Variants in AGPAT4 observed in about 807,000 individuals in gnomAD.
AGPAT4 encodes 1-acylglycerol-3-phosphate O-acyltransferase 4, also known as 1-acyl-sn-glycerol-3-phosphate acyltransferase delta.
A neutral mutation model predicts 48.0 loss-of-function variants in AGPAT4; 15 were observed. The ratio of observed to expected loss-of-function variants is 0.31; its 90% confidence interval spans 0.21 to 0.48. The LOEUF (loss-of-function observed/expected upper bound fraction) is 0.48, where lower values mean the gene tolerates loss of function less well. Ranked by LOEUF, AGPAT4 falls within the 20% of genes least tolerant of loss-of-function variation. AGPAT4 has a pLI of 0.99. For synonymous variants in AGPAT4, 178 were observed against 198.7 expected (o/e 0.90, Z 0.88); for missense variants, 314 against 482.5 (o/e 0.65, Z 3.27).
At chr6:161,248,891 G>A (rs1277233539) in intron 1 of AGPAT4, among the ~76,000 whole-genome samples, 1 of 152,120 alleles carries the variant, frequency 6.6e-6, no homozygotes, top group Non-Finnish European at 1.5e-5. Context: ...AAAGCTGGAG[G>A]CATCACACTA....
rs960678248 is a variant in AGPAT4, at chr6:161,240,160, A to C, written c.-89-7858T>G. The stretch of plus-strand genomic sequence containing the variant: ...TGTGGAGAAAATAATCACAACTCTA[A>C]AAAAAAAACCGGAAGAAAAGAAAGC... On this transcript the variant is annotated intron_variant, in intron 1 of 8. Transcript: ENST00000320285. This position sits in a 1 kb window ranked among gnomAD's most constrained non-coding sequence, Gnocchi z 5.5. Among the ~76,000 whole-genome samples the C allele has an allele frequency of 1.3e-5, 2 of 150,438 alleles. No individual in the cohort carries two copies. The highest frequency in any genetic ancestry group is 4.2e-4 in the South Asian group (2 of 4,758).
At position 161,212,575 on chromosome 6, in the gene AGPAT4, T is replaced by C. The variant is rs906382481; in HGVS notation, c.178+19461A>G. Among the ~76,000 whole-genome samples, 1 of 152,218 alleles carries C rather than the reference T, an allele frequency of 6.6e-6. No individual in the cohort carries two copies. The highest frequency in any genetic ancestry group is 2.1e-4 in the South Asian group (1 of 4,834). ...AGGTTGTATTTGTATAAATATGTTA[T>C]TGGTATGTGTTCCAAAATCAGGGTA... is the stretch of plus-strand genomic sequence containing the variant. On this transcript the variant is annotated intron_variant, in intron 2 of 8. Transcript: ENST00000320285. This position sits in a 1 kb window ranked among gnomAD's most constrained non-coding sequence, Gnocchi z 6.1.
In AGPAT4 at chr6:161,139,739, ACTGG is replaced by A; in HGVS notation, c.844-123_844-120del. 1.2e-6 allele frequency: 1 copy of A among 844,332 alleles called. No homozygotes were observed. Among genetic ancestry groups the A allele is most frequent in the Non-Finnish European group, 1.8e-6 (1 of 547,198 alleles). 52.3% of individuals were successfully genotyped at this position (844,332 alleles called of 1,614,324 possible). On this transcript the variant is annotated intron_variant, in intron 7 of 8. Transcript: ENST00000320285. The surrounding 1 kb of genome is among the most constrained non-coding windows in gnomAD (Gnocchi z 9.1). ...ACAGGTGCCACCGGGGCTCGGCAGA[ACTGG>A]GGTCTGCAGCTCCTTCCAGAAAGCA...
rs868475487 is a variant in AGPAT4 at position 161,161,628 on chromosome 6, C to T, written c.348+4620G>A. 1.6e-4 allele frequency: 62 copies of T among 379,812 alleles called. No individual in the cohort carries two copies. The Middle Eastern group carries it at 5.2e-3, about 32-fold the overall frequency. 23.5% of individuals were successfully genotyped at this position (379,812 alleles called of 1,614,324 possible). On this transcript the variant is annotated intron_variant, in intron 3 of 8. Coordinates refer to ENST00000320285, the MANE Select transcript of AGPAT4 (RefSeq NM_020133.3). The surrounding 1 kb of genome is among the most constrained non-coding windows in gnomAD (Gnocchi z 4.6). ...GCGGTGGGCATATCTGCTGAAAATA[C>T]CCCTCCATATCTGGAAACTTCTAAC...
In AGPAT4 at chr6:161,142,982, G is replaced by C. The variant is rs1447371850; in HGVS notation, c.844-3362C>G. On this transcript the variant is annotated intron_variant, in intron 7 of 8. Transcript: ENST00000320285. The surrounding 1 kb of genome is among the most constrained non-coding windows in gnomAD (Gnocchi z 6.4). Reference sequence around the variant, plus strand: ...AGCAGGAGAGCACAGTGTTTCCCACGGGCCACCATGCCTGCACCCTGAACT... The same window carrying C: ...AGCAGGAGAGCACAGTGTTTCCCACCGGCCACCATGCCTGCACCCTGAACT... Among the ~76,000 whole-genome samples the C allele has an allele frequency of 6.6e-6, 1 of 152,138 alleles. No individual in the cohort carries two copies. Among genetic ancestry groups the C allele is most frequent in the Non-Finnish European group, 1.5e-5 (1 of 68,018 alleles).
At chr6:161,191,952 C>T (rs1391478676) in intron 2 of AGPAT4, among the ~76,000 whole-genome samples, 1 of 151,958 alleles carries the variant, frequency 6.6e-6, no homozygotes, top group Non-Finnish European at 1.5e-5. Context: ...CTTCCTCTCC[C>T]CTGGTTAGGA....
intron 3 of AGPAT4, among the ~76,000 whole-genome samples, chr6:161,162,331 T>C (rs1779959460): frequency 6.6e-6 from 1 of 152,126 alleles, no homozygotes. Flanking sequence ...ACAGTATGGA[T>C]AGAAAGGATG....
Position 161,266,001 on chromosome 6 carries a change from G to A in AGPAT4, c.-90+7937C>T, listed in dbSNP as rs74483447. Among the ~76,000 whole-genome samples the A allele has an allele frequency of 5.3e-3, 806 of 152,168 alleles. 8 individuals are homozygous for A. The highest frequency in any genetic ancestry group is 0.019 in the African/African-American group (768 of 41,504). ...CCTCAGAAATGGGTTTGCTTTGATC[G>A]GACCAACCGGATTCCTGAGTGTACC... On this transcript the variant is annotated intron_variant, in intron 1 of 8. Coordinates refer to ENST00000320285, the MANE Select transcript of AGPAT4 (RefSeq NM_020133.3). The surrounding 1 kb of genome is among the most constrained non-coding windows in gnomAD (Gnocchi z 6.2).
Position 161,169,208 on chromosome 6 carries a change from A to C in AGPAT4, c.179-2791T>G, listed in dbSNP as rs562415389. On this transcript the variant is annotated intron_variant, in intron 2 of 8. Coordinates refer to ENST00000320285, the MANE Select transcript of AGPAT4 (RefSeq NM_020133.3). The surrounding 1 kb of genome is among the most constrained non-coding windows in gnomAD (Gnocchi z 5.0). ...TATGATTTCATTCTAAAGGCAATAT[A>C]AAAACCACTGGAGCATTTTTAAATA... Among the ~76,000 whole-genome samples the C allele has an allele frequency of 6.6e-6, 1 of 152,186 alleles. No homozygotes were observed. Among genetic ancestry groups the C allele is most frequent in the African/African-American group, 2.4e-5 (1 of 41,444 alleles).
rs1232642071 is a variant in AGPAT4 at position 161,236,186 on chromosome 6, C to T, written c.-89-3884G>A. Among the ~76,000 whole-genome samples, 1 of 152,032 alleles carries T rather than the reference C, an allele frequency of 6.6e-6. No homozygotes were observed. The highest frequency in any genetic ancestry group is 2.4e-5 in the African/African-American group (1 of 41,400). ...GCAAGAATATGACAAAGAACTTATGCTGTTTCTGAGCATATCAGAGCGCTA... is the reference window on the plus strand; with the variant it reads ...GCAAGAATATGACAAAGAACTTATGTTGTTTCTGAGCATATCAGAGCGCTA... On this transcript the variant is annotated intron_variant, in intron 1 of 8. Coordinates refer to ENST00000320285, the MANE Select transcript of AGPAT4 (RefSeq NM_020133.3). The surrounding 1 kb of genome is among the most constrained non-coding windows in gnomAD (Gnocchi z 5.0).
chr6:161,228,660 G>GAAAAAAAAAAAAAAAAAAAAAAA (rs1562347784), intron 2 of AGPAT4, among the ~76,000 whole-genome samples: 1 of 53,020 alleles, frequency 1.9e-5, no homozygotes, highest in Non-Finnish European at 3.4e-5. Flanking sequence ...TGTCAGAGAG[G>GAAAAAAAAAAAAAAAAAAAAAAA]TAAAAAAAAA....
chr6:161,162,684 C>T (rs1052754247), intron 3 of AGPAT4, among the ~76,000 whole-genome samples: 7 of 152,234 alleles, frequency 4.6e-5, no homozygotes, highest in Non-Finnish European at 8.8e-5. Context: ...GATAACTAAT[C>T]CACATGGCTT....
At position 161,206,652 on chromosome 6, in the gene AGPAT4, G is replaced by A. The variant is rs1313161699; in HGVS notation, c.178+25384C>T. On this transcript the variant is annotated intron_variant, in intron 2 of 8. Coordinates refer to ENST00000320285, the MANE Select transcript of AGPAT4 (RefSeq NM_020133.3). The surrounding 1 kb of genome is among the most constrained non-coding windows in gnomAD (Gnocchi z 4.8). ...ATTGAAAAATCACTTGACATGCCAA[G>A]GACCAGGAAAATCACAACTTGAAAG... is the stretch of plus-strand genomic sequence containing the variant. 6.6e-6 allele frequency among the ~76,000 whole-genome samples: 1 copy of A among 151,868 alleles called. No individual in the cohort carries two copies. Among genetic ancestry groups the A allele is most frequent in the Non-Finnish European group, 1.5e-5 (1 of 68,002 alleles).
In AGPAT4 at chr6:161,178,010, A is replaced by AAC. The variant is rs1251351924; in HGVS notation, c.179-11594_179-11593insGT. Among the ~76,000 whole-genome samples the AAC allele has an allele frequency of 5.9e-5, 9 of 152,148 alleles. No homozygotes were observed. The highest frequency in any genetic ancestry group is 1.4e-4 in the African/African-American group (6 of 41,432). On this transcript the variant is annotated intron_variant, in intron 2 of 8. Transcript: ENST00000320285. This position sits in a 1 kb window ranked among gnomAD's most constrained non-coding sequence, Gnocchi z 5.1. ...TGTTGCTGCCTGATCCTTCCTCTGA[A>AAC]AGCTTCGTCTCAGAGGGGCACCTGA...
rs71542999 is a variant in AGPAT4 at position 161,215,707 on chromosome 6, T to TA, written c.178+16328dup. ...CACAGTAGAATAACCTCCCTTACCA[T>TA]AAAAAAAAAAAAAAAGAAAACACAA... On this transcript the variant is annotated intron_variant, in intron 2 of 8. Coordinates refer to ENST00000320285, the MANE Select transcript of AGPAT4 (RefSeq NM_020133.3). The surrounding 1 kb of genome is among the most constrained non-coding windows in gnomAD (Gnocchi z 4.5). 0.012 allele frequency among the ~76,000 whole-genome samples: 1,555 copies of TA among 124,834 alleles called. 8 individuals carry two copies. Among genetic ancestry groups the TA allele is most frequent in the Non-Finnish European group, 0.019 (1,075 of 57,850 alleles). 81.9% of individuals were successfully genotyped at this position (124,834 alleles called of 152,430 possible). A position where few individuals can be genotyped will look rare whatever the true frequency, so the allele number is the denominator to read the frequency against.
rs1015258121 is a variant in AGPAT4 at position 161,223,225 on chromosome 6, C to G, written c.178+8811G>C. Among the ~76,000 whole-genome samples, 1 of 152,188 alleles carries G rather than the reference C, an allele frequency of 6.6e-6. No homozygotes were observed. The highest frequency in any genetic ancestry group is 2.4e-5 in the African/African-American group (1 of 41,426). On this transcript the variant is annotated intron_variant, in intron 2 of 8. Coordinates refer to ENST00000320285, the MANE Select transcript of AGPAT4 (RefSeq NM_020133.3). This position sits in a 1 kb window ranked among gnomAD's most constrained non-coding sequence, Gnocchi z 6.3. The stretch of plus-strand genomic sequence containing the variant: ...CAGGTGCTGACCCCAGTGCCTGGCC[C>G]CCTGGACTGAGCTTGGGTGCACGTT...
Position 161,133,466 on chromosome 6 carries a change from G to A in AGPAT4, c.*3074C>T, listed in dbSNP as rs1778966910. 1 of 152,190 alleles carries A rather than the reference G, an allele frequency of 6.6e-6. No individual in the cohort carries two copies. 9.4% of individuals were successfully genotyped at this position (152,190 alleles called of 1,614,324 possible). Reference sequence around the variant, plus strand: ...TTTTCTCTCTGTCAAAGTCAATAGGGTGGTAGACTAACTCACAGAGTGCCT... The same window carrying A: ...TTTTCTCTCTGTCAAAGTCAATAGGATGGTAGACTAACTCACAGAGTGCCT... On this transcript the variant is annotated 3_prime_UTR_variant, in exon 9 of 9. Coordinates refer to ENST00000320285, the MANE Select transcript of AGPAT4 (RefSeq NM_020133.3).
rs1039660144 is a variant in AGPAT4, at chr6:161,267,772, T to C, written c.-90+6166A>G. Among the ~76,000 whole-genome samples, 9 of 151,960 alleles carry C rather than the reference T, an allele frequency of 5.9e-5. No individual in the cohort carries two copies. Among genetic ancestry groups the C allele is most frequent in the Non-Finnish European group, 1.2e-4 (8 of 67,990 alleles). On this transcript the variant is annotated intron_variant, in intron 1 of 8. Coordinates refer to ENST00000320285, the MANE Select transcript of AGPAT4 (RefSeq NM_020133.3). This position sits in a 1 kb window ranked among gnomAD's most constrained non-coding sequence, Gnocchi z 5.2. ...TTAGCTGGGCATGTTAGTACACACC[T>C]GTAGTCCCAGCTACTTGGGAAGCTG... is the stretch of plus-strand genomic sequence containing the variant.
chr6:161,272,362 A>G lies in AGPAT4; in HGVS notation c.-90+1576T>C, dbSNP rs1483171655. ...TTATCTTAAATTATAGATAATTTTA[A>G]GAGTCATGAATGGGATTACTACTTA... On this transcript the variant is annotated intron_variant, in intron 1 of 8. Coordinates refer to ENST00000320285, the MANE Select transcript of AGPAT4 (RefSeq NM_020133.3). The surrounding 1 kb of genome is among the most constrained non-coding windows in gnomAD (Gnocchi z 4.2). 4.6e-5 allele frequency among the ~76,000 whole-genome samples: 7 copies of G among 152,196 alleles called. No individual in the cohort carries two copies. The highest frequency in any genetic ancestry group is 4.6e-4 in the Admixed American group (7 of 15,278).
Sources: allele counts gnomAD v4.1 joint callset (sites outside exome capture counted in the v4.1 genomes callset), GRCh38; gene constraint gnomAD v4.1.1; non-coding constraint Gnocchi (gnomAD v3.1); transcripts MANE v1.5; gene names NCBI Gene and HGNC (gene_info 2026-07-23, HGNC 2026-07-21).